Variants in MAD1L1 observed in about 807,000 individuals in gnomAD.
MAD1L1 encodes mitotic spindle assembly checkpoint protein MAD1.
Under a neutral mutation model 96.9 loss-of-function variants are expected in MAD1L1, and 95 were observed. The observed-to-expected ratio is 0.98, with a 90% CI of 0.83 to 1.16. MAD1L1 has a LOEUF of 1.16. Among genes scored for constraint, MAD1L1 ranks in the 50% most tolerant of loss-of-function variants. MAD1L1 has a pLI of 0.00. For synonymous variants in MAD1L1, 473 were observed against 396.6 expected (o/e 1.19, Z -2.29); for missense variants, 1,007 against 954.4 (o/e 1.06, Z -0.73).
At chr7:2,084,634 C>T (rs916713549) in intron 11 of MAD1L1, among the ~76,000 whole-genome samples, 1 of 152,216 alleles carries the variant, frequency 6.6e-6, no homozygotes, top group Admixed American at 6.5e-5. Context: ...GCCAGCACAC[C>T]ACTCAATGTG....
intron 10 of MAD1L1, among the ~76,000 whole-genome samples, chr7:2,186,068 C>T (rs926289155): frequency 2.6e-5 from 4 of 152,240 alleles, no homozygotes; most frequent in African/African-American, 9.6e-5. Context: ...AAATCGGAAA[C>T]ACTAACAACA....
intron 18 of MAD1L1, among the ~76,000 whole-genome samples, chr7:1,819,350 C>T (rs763929638): frequency 1.2e-4 from 19 of 152,172 alleles, no homozygotes; most frequent in Non-Finnish European, 2.5e-4. Context: ...GCGCACATAG[C>T]GGCCCTGTGG....
At chr7:1,971,611 A>C (rs1181856065) in intron 15 of MAD1L1, among the ~76,000 whole-genome samples, 1 of 152,204 alleles carries the variant, frequency 6.6e-6, no homozygotes, top group Non-Finnish European at 1.5e-5. Context: ...GAACACGTGC[A>C]CTTAAGTGTA....
At chr7:1,929,673 C>T (rs992598857) in intron 17 of MAD1L1, among the ~76,000 whole-genome samples, 5 of 152,142 alleles carry the variant, frequency 3.3e-5, no homozygotes, top group Admixed American at 1.3e-4. Flanking sequence ...GTGGCAAACA[C>T]GAAAGGGAGC....
intron 10 of MAD1L1, among the ~76,000 whole-genome samples, chr7:2,159,372 G>A (rs1247755303): frequency 1.3e-5 from 2 of 152,172 alleles, no homozygotes; most frequent in African/African-American, 2.4e-5. Context: ...CGCACCCCTA[G>A]ATGCCTGCGT....
intron 10 of MAD1L1, among the ~76,000 whole-genome samples, chr7:2,176,914 G>C (rs17186327): frequency 6.6e-6 from 1 of 152,140 alleles, no homozygotes; most frequent in Non-Finnish European, 1.5e-5. Context: ...ACATACGCTA[G>C]TAATAACTGT....
At chr7:2,161,569 G>A (rs1204394082) in intron 10 of MAD1L1, among the ~76,000 whole-genome samples, 5 of 150,556 alleles carry the variant, frequency 3.3e-5, no homozygotes, top group Admixed American at 6.6e-5. Flanking sequence ...GCCGCCCATC[G>A]TGTGGGATGT....
intron 18 of MAD1L1, chr7:1,847,487 G>A (rs555292129): frequency 1.0e-4 from 47 of 471,136 alleles, no homozygotes; most frequent in African/African-American, 8.4e-4. Flanking sequence ...CCCCCACTGG[G>A]CGGCCACTGC....
At chr7:1,937,378 G>A (rs989163739) in intron 16 of MAD1L1, among the ~76,000 whole-genome samples, 5 of 152,212 alleles carry the variant, frequency 3.3e-5, no homozygotes, top group Admixed American at 2.6e-4. Context: ...AGGCAAGGGA[G>A]CCTGGCATCA....
At chr7:1,952,941 C>A (rs956291593) in intron 16 of MAD1L1, among the ~76,000 whole-genome samples, 1 of 152,178 alleles carries the variant, frequency 6.6e-6, no homozygotes, top group South Asian at 2.1e-4. Context: ...CGGGAGGCCC[C>A]GGTACAGGGA....
chr7:2,034,997 AG>A (rs1193271590), intron 12 of MAD1L1, among the ~76,000 whole-genome samples: 2 of 152,230 alleles, frequency 1.3e-5, no homozygotes, highest in Admixed American at 6.5e-5. Context: ...CCAGCAGCAC[AG>A]GGGGCCACAA....
intron 18 of MAD1L1, among the ~76,000 whole-genome samples, chr7:1,836,319 T>C (rs1782935822): frequency 2.0e-5 from 3 of 152,218 alleles, no homozygotes; most frequent in Admixed American, 6.5e-5. Context: ...CGTGCCTGGC[T>C]GACCAGAGGT....
At chr7:1,934,223 C>T (rs1173966869) in intron 17 of MAD1L1, among the ~76,000 whole-genome samples, 1 of 152,224 alleles carries the variant, frequency 6.6e-6, no homozygotes, top group Admixed American at 6.5e-5. Context: ...TTCCAGACCA[C>T]GCTGGCCCTG....
In MAD1L1 at chr7:2,103,929, GGAGA is replaced by G. The variant is rs1249650210; in HGVS notation, c.1074-34595_1074-34592del. ...ACAACACTCCACCCCGCTGGACGTC[GGAGA>G]AAGAGGCCCCCAGACACATGGCAGA... is the stretch of plus-strand genomic sequence containing the variant. On this transcript the variant is annotated intron_variant, in intron 11 of 18. Coordinates refer to ENST00000265854, the MANE Select transcript of MAD1L1 (RefSeq NM_001013836.2). This position sits in a 1 kb window ranked among gnomAD's most constrained non-coding sequence, Gnocchi z 4.3. 6.6e-6 allele frequency among the ~76,000 whole-genome samples: 1 copy of G among 152,204 alleles called. No individual in the cohort carries two copies. The highest frequency in any genetic ancestry group is 2.4e-5 in the African/African-American group (1 of 41,450).
chr7:2,156,878 G>A (rs542314906), intron 10 of MAD1L1, among the ~76,000 whole-genome samples: 1 of 151,818 alleles, frequency 6.6e-6, no homozygotes, highest in African/African-American at 2.4e-5. Flanking sequence ...AAGAAATAGG[G>A]GAAAGTCTAA....
In MAD1L1 at chr7:2,114,471, T is replaced by C. The variant is rs1159378121; in HGVS notation, c.1073+34681A>G. ...AGGGCATCTTTCCTGAAAGAGACAA[T>C]TGCGAGAAATGAAAGCCTGGCTGCC... On this transcript the variant is annotated intron_variant, in intron 11 of 18. Coordinates refer to ENST00000265854, the MANE Select transcript of MAD1L1 (RefSeq NM_001013836.2). This position sits in a 1 kb window ranked among gnomAD's most constrained non-coding sequence, Gnocchi z 4.2. Among the ~76,000 whole-genome samples the C allele has an allele frequency of 1.3e-5, 2 of 152,160 alleles. No individual in the cohort carries two copies. The highest frequency in any genetic ancestry group is 4.8e-5 in the African/African-American group (2 of 41,430).
At chr7:2,158,188 C>A (rs1428773366) in intron 10 of MAD1L1, among the ~76,000 whole-genome samples, 1 of 152,242 alleles carries the variant, frequency 6.6e-6, no homozygotes, top group South Asian at 2.1e-4. Flanking sequence ...CCCAGCTGCA[C>A]GCAGAGCAGC....
At chr7:1,906,621 A>C (rs546338043) in intron 17 of MAD1L1, among the ~76,000 whole-genome samples, 21 of 152,362 alleles carry the variant, frequency 1.4e-4, no homozygotes, top group African/African-American at 4.6e-4. Flanking sequence ...CTTTCCCTGC[A>C]GTGCAACTGG....
chr7:2,016,716 C>T (rs747619124), intron 12 of MAD1L1, among the ~76,000 whole-genome samples: 17 of 152,370 alleles, frequency 1.1e-4, no homozygotes, highest in Admixed American at 5.2e-4. Flanking sequence ...GACACAGGTG[C>T]CACCCTGGTG....
Sources: gnomAD v4.1 joint callset for allele counts (sites outside exome capture counted in the v4.1 genomes callset) on GRCh38, gnomAD v4.1.1 for gene constraint, Gnocchi (gnomAD v3.1) non-coding constraint, MANE v1.5 for transcripts, NCBI Gene and HGNC (gene_info 2026-07-23, HGNC 2026-07-21) for gene names.